The following CNTNAP2 variants were observed in gnomAD, a reference collection of about 807,000 sequenced individuals.
The protein encoded by CNTNAP2 is contactin associated protein 2.
Under a neutral mutation model 155.2 loss-of-function variants are expected in CNTNAP2, and 98 were observed. The ratio of observed to expected loss-of-function variants is 0.63; its 90% confidence interval spans 0.54 to 0.75. CNTNAP2 has a LOEUF of 0.75. Ranked by LOEUF, CNTNAP2 falls within the 30% of genes least tolerant of loss-of-function variation. The pLI, the probability that CNTNAP2 is intolerant of heterozygous loss-of-function variation, is 0.00. For synonymous variants in CNTNAP2, 651 were observed against 631.2 expected (o/e 1.03, Z -0.47); for missense variants, 1,727 against 1,688.1 (o/e 1.02, Z -0.40).
At chr7:147,617,531 A>C (rs1228289684) in intron 12 of CNTNAP2, among the ~76,000 whole-genome samples, 3 of 152,142 alleles carry the variant, frequency 2.0e-5, no homozygotes, top group Non-Finnish European at 4.4e-5. Context: ...AAAAGTCTAA[A>C]ATAGTATCTG....
intron 13 of CNTNAP2, among the ~76,000 whole-genome samples, chr7:147,892,539 C>T (rs1488545135): frequency 3.3e-5 from 5 of 152,118 alleles, no homozygotes; most frequent in Non-Finnish European, 7.4e-5. Flanking sequence ...AGTGAATTGG[C>T]CTATTCTTTA....
At chr7:147,652,689 A>G (rs932381764) in intron 13 of CNTNAP2, among the ~76,000 whole-genome samples, 3 of 151,990 alleles carry the variant, frequency 2.0e-5, no homozygotes, top group Non-Finnish European at 4.4e-5. Flanking sequence ...TAGACTCTAT[A>G]TATTTTCTAC....
intron 1 of CNTNAP2, among the ~76,000 whole-genome samples, chr7:146,550,404 T>TTC: frequency 1.0e-5 from 1 of 100,392 alleles, no homozygotes; most frequent in Non-Finnish European, 2.3e-5. Context: ...TTAATCTGTT[T>TTC]TTTTTTTTTT....
In CNTNAP2 at chr7:147,326,080, A is replaced by G. The variant is rs553292630; in HGVS notation, c.1498+25790A>G. On this transcript the variant is annotated intron_variant, in intron 9 of 23. Transcript: ENST00000361727. ...TGGGACGACAAGCGCACGCCACCAC[A>G]CCCGGCTAATTGCTTTTGTATTTTT... 3.3e-3 allele frequency among the ~76,000 whole-genome samples: 504 copies of G among 151,806 alleles called. 4 individuals carry two copies. Among genetic ancestry groups the G allele is most frequent in the African/African-American group, 0.011 (463 of 41,382 alleles).
chr7:147,794,531 G>T (rs751455036), intron 13 of CNTNAP2, among the ~76,000 whole-genome samples: 6 of 151,670 alleles, frequency 4.0e-5, no homozygotes, highest in Non-Finnish European at 8.9e-5. Context: ...ATATTCCTGG[G>T]TTTGATTTGC....
intron 15 of CNTNAP2, among the ~76,000 whole-genome samples, chr7:148,060,970 A>C (rs1803117176): frequency 6.6e-6 from 1 of 152,232 alleles, no homozygotes; most frequent in African/African-American, 2.4e-5. Context: ...GTATGATCAA[A>C]GTGTTGAGAG....
Position 147,203,805 on chromosome 7 carries a change from A to G in CNTNAP2, c.1348+71296A>G, listed in dbSNP as rs374205188. On this transcript the variant is annotated intron_variant, in intron 8 of 23. Transcript: ENST00000361727. ...TGTATACCTGACACTGATAGTTGCAATGCTGTATCAAGAGTTTCCCTGATA... is the reference window on the plus strand; with the variant it reads ...TGTATACCTGACACTGATAGTTGCAGTGCTGTATCAAGAGTTTCCCTGATA... Among the ~76,000 whole-genome samples, 16 of 152,302 alleles carry G rather than the reference A, an allele frequency of 1.1e-4. No individual in the cohort carries two copies. The South Asian group carries it at 3.3e-3, about 32-fold the overall frequency.
rs1431018531 is a variant in CNTNAP2 at position 147,760,400 on chromosome 7, A to G, written c.2098+121094A>G. ...CTTCTGCTCTCAGCATTCTTACTCA[A>G]TGATTAGTCTTCAACATTCTCACAT... On this transcript the variant is annotated intron_variant, in intron 13 of 23. Coordinates refer to ENST00000361727, the MANE Select transcript of CNTNAP2 (RefSeq NM_014141.6). 2.6e-5 allele frequency among the ~76,000 whole-genome samples: 4 copies of G among 152,300 alleles called. No homozygotes were observed. In the South Asian group the frequency reaches 8.3e-4, roughly 32 times the overall value.
intron 17 of CNTNAP2, among the ~76,000 whole-genome samples, chr7:148,157,677 G>A (rs1468327641): frequency 6.6e-6 from 1 of 151,982 alleles, no homozygotes; most frequent in Non-Finnish European, 1.5e-5. Context: ...ATATCAAATT[G>A]GGGTCTTGCC....
Position 146,529,965 on chromosome 7 carries a change from A to AAACAACAACAACAACAAC in CNTNAP2, c.98-244291_98-244274dup, listed in dbSNP as rs59533423. On this transcript the variant is annotated intron_variant, in intron 1 of 23. Coordinates refer to ENST00000361727, the MANE Select transcript of CNTNAP2 (RefSeq NM_014141.6). ...GGTGACAGAATGAGACTCCGTCTCA[A>AAACAACAACAACAACAAC]AACAACAACAACAACAACAACAACA... Among the ~76,000 whole-genome samples, 245 of 150,632 alleles carry AAACAACAACAACAACAAC rather than the reference A, an allele frequency of 1.6e-3. 1 individual carries two copies. Among genetic ancestry groups the AAACAACAACAACAACAAC allele is most frequent in the African/African-American group, 5.5e-3 (227 of 40,968 alleles).
intron 12 of CNTNAP2, among the ~76,000 whole-genome samples, chr7:147,581,338 C>T (rs1338631099): frequency 6.6e-6 from 1 of 152,178 alleles, no homozygotes; most frequent in African/African-American, 2.4e-5. Context: ...ACCAGATTTA[C>T]ATACAAGTAA....
intron 17 of CNTNAP2, among the ~76,000 whole-genome samples, chr7:148,155,728 A>G (rs953095573): frequency 1.3e-5 from 2 of 152,176 alleles, no homozygotes; most frequent in East Asian, 1.9e-4. Flanking sequence ...CAAATTTTCT[A>G]AAGTAAGTGC....
At chr7:147,247,834 AGAGT>A (rs1804099684) in intron 8 of CNTNAP2, among the ~76,000 whole-genome samples, 1 of 152,220 alleles carries the variant, frequency 6.6e-6, no homozygotes. Flanking sequence ...CCTTAGGAGA[AGAGT>A]GTTAAGCATG....
chr7:147,042,449 G>T (rs927684079), intron 3 of CNTNAP2, among the ~76,000 whole-genome samples: 3 of 152,060 alleles, frequency 2.0e-5, no homozygotes, highest in Non-Finnish European at 4.4e-5. Context: ...ATTTGACCGG[G>T]GAATGCGGGT....
In CNTNAP2 at chr7:146,151,708, A is replaced by ATATATATGTATATG. The variant is rs1562969150; in HGVS notation, c.97+34740_97+34741insATGTATATGTATAT. ...TATATATATATATATGTATATATAT[A>ATATATATGTATATG]TATATGTATATATATATATGCGCAA... On this transcript the variant is annotated intron_variant, in intron 1 of 23. Coordinates refer to ENST00000361727, the MANE Select transcript of CNTNAP2 (RefSeq NM_014141.6). 9.6e-5 allele frequency among the ~76,000 whole-genome samples: 6 copies of ATATATATGTATATG among 62,232 alleles called. 1 individual carries two copies. The highest frequency in any genetic ancestry group is 2.0e-4 in the African/African-American group (2 of 10,208). The allele number at this position is 62,232 out of a possible 152,430, so 40.8% of individuals were successfully genotyped here.
chr7:147,775,267 TTA>T lies in CNTNAP2; in HGVS notation c.2099-128288_2099-128287del, dbSNP rs1157979534. ...TTTATATATATATTTATAAATATATTTATATATATATTTATAAATATATATAT... is the reference window on the plus strand; with the variant it reads ...TTTATATATATATTTATAAATATATTTATATATATTTATAAATATATATAT... On this transcript the variant is annotated intron_variant, in intron 13 of 23. Coordinates refer to ENST00000361727, the MANE Select transcript of CNTNAP2 (RefSeq NM_014141.6). 7.7e-4 allele frequency among the ~76,000 whole-genome samples: 57 copies of T among 73,718 alleles called. 3 individuals carry two copies. The highest frequency in any genetic ancestry group is 2.2e-3 in the South Asian group (6 of 2,694). 48.4% of individuals were successfully genotyped at this position (73,718 alleles called of 152,430 possible). A position where few individuals can be genotyped will look rare whatever the true frequency, so the allele number is the denominator to read the frequency against.
intron 1 of CNTNAP2, among the ~76,000 whole-genome samples, chr7:146,152,861 G>A (rs1054732744): frequency 6.6e-5 from 10 of 151,996 alleles, no homozygotes; most frequent in African/African-American, 2.4e-4. Flanking sequence ...TCACTCAACA[G>A]GAAATTGTTC....
At chr7:146,699,537 A>G (rs945466352) in intron 1 of CNTNAP2, among the ~76,000 whole-genome samples, 1 of 152,116 alleles carries the variant, frequency 6.6e-6, no homozygotes, top group East Asian at 1.9e-4. Context: ...CTTTTTATCC[A>G]CTTATGTGAT....
Position 146,234,593 on chromosome 7 carries a change from T to C in CNTNAP2, c.97+117620T>C, listed in dbSNP as rs541394894. 2.0e-5 allele frequency among the ~76,000 whole-genome samples: 3 copies of C among 151,226 alleles called. No homozygotes were observed. The South Asian group carries it at 6.3e-4, about 32-fold the overall frequency. ...TTTTCTTCTAGGGTTTTTATGGTTT[T>C]AGGTCTAACGTTTAAGTCTTTAATC... is the stretch of plus-strand genomic sequence containing the variant. On this transcript the variant is annotated intron_variant, in intron 1 of 23. Transcript: ENST00000361727.
Sources: allele counts gnomAD v4.1 joint callset (sites outside exome capture counted in the v4.1 genomes callset), GRCh38; gene constraint gnomAD v4.1.1; transcripts MANE v1.5; gene names NCBI Gene and HGNC (gene_info 2026-07-23, HGNC 2026-07-21).